Variants in PRKD1 observed in about 807,000 individuals in gnomAD.
The protein encoded by PRKD1 is protein kinase D1, also known as serine/threonine-protein kinase D1.
PRKD1 carries 63 observed loss-of-function variants against 95.9 expected under a neutral mutation model. The observed-to-expected ratio is 0.66, with a 90% CI of 0.54 to 0.81. The LOEUF (loss-of-function observed/expected upper bound fraction) is 0.81. Among genes scored for constraint, PRKD1 ranks in the 30% least tolerant of loss-of-function variants. The pLI is 0.00. For synonymous variants in PRKD1, 425 were observed against 423.1 expected, an observed-to-expected ratio of 1.00 and a Z score of -0.05; for missense variants, 1,048 against 1,165.3, an observed-to-expected ratio of 0.90 and a Z score of 1.47.
intron 1 of PRKD1, among the ~76,000 whole-genome samples, chr14:29,759,253 AAAG>A (rs1887858744): frequency 6.6e-6 from 1 of 152,314 alleles, no homozygotes; most frequent in African/African-American, 2.4e-5. Context: ...CGCAAAAAAA[AAAG>A]AAGAGAAAAA....
chr14:29,581,809 C>T lies in PRKD1; in HGVS notation c.2435-3449G>A, dbSNP rs554198990. Among the ~76,000 whole-genome samples the T allele has an allele frequency of 5.9e-5, 9 of 152,220 alleles. No homozygotes were observed. In the South Asian group the frequency reaches 1.7e-3, roughly 28 times the overall value. On this transcript the variant is annotated intron_variant, in intron 16 of 17. Coordinates refer to ENST00000331968, the MANE Select transcript of PRKD1 (RefSeq NM_002742.3). The stretch of plus-strand genomic sequence containing the variant: ...TCCTAGCTTTCTGTCATGCTCACAC[C>T]GAATAAGCCCATCTGCTATGTATTA...
At chr14:29,640,346 T>G (rs1308129442) in intron 4 of PRKD1, among the ~76,000 whole-genome samples, 5 of 152,194 alleles carry the variant, frequency 3.3e-5, no homozygotes, top group Admixed American at 3.3e-4. Flanking sequence ...TCCTTTTCAA[T>G]CCCTATCTGT....
intron 1 of PRKD1, among the ~76,000 whole-genome samples, chr14:29,890,545 A>T (rs1204384175): frequency 6.6e-6 from 1 of 152,224 alleles, no homozygotes; most frequent in South Asian, 2.1e-4. Flanking sequence ...CTCCTGACTC[A>T]ATATAGAGAA....
At chr14:29,908,440 CCCA>C (rs1006779358) in intron 1 of PRKD1, among the ~76,000 whole-genome samples, 7 of 151,738 alleles carry the variant, frequency 4.6e-5, no homozygotes, top group East Asian at 3.9e-4. Flanking sequence ...ATAACAGGCG[CCCA>C]CCACCACACC....
chr14:29,631,098 T>A, intron 9 of PRKD1, 77 bp from the exon 10 acceptor site: 1 of 1,359,210 alleles, frequency 7.4e-7, no homozygotes, highest in Admixed American at 2.5e-5. Context: ...GCCAAGAACA[T>A]GTGAAAAATG....
intron 1 of PRKD1, among the ~76,000 whole-genome samples, chr14:29,817,577 G>A (rs761372844): frequency 6.6e-6 from 1 of 152,050 alleles, no homozygotes; most frequent in Non-Finnish European, 1.5e-5. Flanking sequence ...ATAAATCCTC[G>A]TGACCTCTAA....
chr14:29,720,874 TC>T (rs1268987932), intron 2 of PRKD1, among the ~76,000 whole-genome samples: 1 of 152,102 alleles, frequency 6.6e-6, no homozygotes, highest in Non-Finnish European at 1.5e-5. Flanking sequence ...GATACTACCT[TC>T]CTGAGAAATT....
intron 2 of PRKD1, among the ~76,000 whole-genome samples, chr14:29,697,999 A>G (rs1392780295): frequency 6.6e-6 from 1 of 152,202 alleles, no homozygotes; most frequent in Non-Finnish European, 1.5e-5. Context: ...GAGATGTTCA[A>G]ATAAACTTTA....
chr14:29,759,221 A>G (rs1268543168), intron 1 of PRKD1, among the ~76,000 whole-genome samples: 1 of 152,150 alleles, frequency 6.6e-6, no homozygotes, highest in Non-Finnish European at 1.5e-5. Flanking sequence ...GAGTGCTAGT[A>G]AGAAGAAGTA....
At chr14:29,826,686 C>CACATATATATATACACATATATATAT (rs1208988479) in intron 1 of PRKD1, among the ~76,000 whole-genome samples, 11 of 34,124 alleles carry the variant, frequency 3.2e-4, no homozygotes, top group African/African-American at 1.1e-3. Flanking sequence ...TATATATATA[C>CACATATATATATACACATATATATAT]ACACATATAT....
intron 1 of PRKD1, among the ~76,000 whole-genome samples, chr14:29,775,592 T>C (rs1284342208): frequency 1.3e-5 from 2 of 152,144 alleles, no homozygotes; most frequent in African/African-American, 4.8e-5. Context: ...GCAGCAAGTC[T>C]TGGGGAGGGG....
chr14:29,624,755 T>C (rs1352638000), intron 12 of PRKD1, among the ~76,000 whole-genome samples: 1 of 152,142 alleles, frequency 6.6e-6, no homozygotes, highest in Admixed American at 6.5e-5. Flanking sequence ...AGGAGAAGAT[T>C]GGATGAAAGG....
At chr14:29,716,858 A>G (rs1317559248) in intron 2 of PRKD1, among the ~76,000 whole-genome samples, 1 of 152,192 alleles carries the variant, frequency 6.6e-6, no homozygotes, top group Non-Finnish European at 1.5e-5. Flanking sequence ...AACAATTGGT[A>G]TTCCATGAAT....
At position 29,781,376 on chromosome 14, in the gene PRKD1, G is replaced by C. The variant is rs141337247; in HGVS notation, c.265-55702C>G. Among the ~76,000 whole-genome samples the C allele has an allele frequency of 2.6e-5, 4 of 152,216 alleles. No individual in the cohort carries two copies. The East Asian group carries it at 7.7e-4, about 29-fold the overall frequency. ...ACAACGTCTCAAATTATAAGACAGA[G>C]GTCCTATCACTGACAGTGACACACC... On this transcript the variant is annotated intron_variant, in intron 1 of 17. Transcript: ENST00000331968.
intron 12 of PRKD1, among the ~76,000 whole-genome samples, chr14:29,624,542 CAG>C (rs1221288556): frequency 6.6e-6 from 1 of 151,870 alleles, no homozygotes; most frequent in African/African-American, 2.4e-5. Context: ...GTTTTAGAAA[CAG>C]AATATTGAGT....
intron 1 of PRKD1, among the ~76,000 whole-genome samples, chr14:29,891,733 A>T (rs1374442296): frequency 1.3e-5 from 2 of 151,832 alleles, no homozygotes; most frequent in African/African-American, 4.8e-5. Flanking sequence ...TAAACAATGC[A>T]CGTATTATTC....
intron 3 of PRKD1, among the ~76,000 whole-genome samples, chr14:29,664,129 G>A (rs1427417204): frequency 6.6e-6 from 1 of 152,074 alleles, no homozygotes; most frequent in East Asian, 1.9e-4. Context: ...GGCTTGAAGG[G>A]ATATAGAAAT....
intron 1 of PRKD1, among the ~76,000 whole-genome samples, chr14:29,835,355 A>C (rs950207077): frequency 6.6e-6 from 1 of 152,138 alleles, no homozygotes; most frequent in African/African-American, 2.4e-5. Flanking sequence ...TTGCTTTCTC[A>C]TGGGGTAAAA....
intron 1 of PRKD1, among the ~76,000 whole-genome samples, chr14:29,866,565 A>G (rs1892914257): frequency 6.6e-6 from 1 of 152,224 alleles, no homozygotes; most frequent in African/African-American, 2.4e-5. Flanking sequence ...ATACAGTGAA[A>G]GCACAGACAA....
Sources: allele counts gnomAD v4.1 joint callset (sites outside exome capture counted in the v4.1 genomes callset), GRCh38; gene constraint gnomAD v4.1.1; transcripts MANE v1.5; gene names NCBI Gene and HGNC (gene_info 2026-07-23, HGNC 2026-07-21).